Variants in SGIP1 observed in about 807,000 individuals in gnomAD.
SGIP1 encodes SH3GL interacting endocytic adaptor 1, also known as SH3-containing GRB2-like protein 3-interacting protein 1.
SGIP1 carries 38 observed loss-of-function variants against 107.5 expected under a neutral mutation model. The ratio of observed to expected loss-of-function variants is 0.35; its 90% CI spans 0.27 to 0.46. SGIP1 has a LOEUF of 0.46. SGIP1 is among the 20% of genes least tolerant of loss of function. The probability of loss-of-function intolerance (pLI) is 1.00; values close to 1 mark genes in which losing one functional copy is unlikely to be tolerated. For synonymous variants in SGIP1, 365 were observed against 366.1 expected (o/e 1.00, Z 0.03); for missense variants, 929 against 1,019.5 (o/e 0.91, Z 1.21).
Position 66,534,189 on chromosome 1 carries a change from C to T in SGIP1, c.-170C>T. 1.5e-6 allele frequency: 1 copy of T among 660,156 alleles called. No individual in the cohort carries two copies. Among genetic ancestry groups the T allele is most frequent in the South Asian group, 1.9e-5 (1 of 53,516 alleles). 40.9% of individuals were successfully genotyped at this position (660,156 alleles called of 1,614,324 possible). A position where few individuals can be genotyped will look rare whatever the true frequency, so the allele number is the denominator to read the frequency against. Reference sequence around the variant, plus strand: ...AGCCTGCCTGTAGGTGAAGAAGCACCAGCAGCATCCATGGCCTGTCTTTTG... The same window carrying T: ...AGCCTGCCTGTAGGTGAAGAAGCACTAGCAGCATCCATGGCCTGTCTTTTG... On this transcript the variant is annotated 5_prime_UTR_variant, in exon 1 of 25. Transcript: ENST00000371037.
chr1:66,698,666 C>T (rs999135666), intron 18 of SGIP1, among the ~76,000 whole-genome samples: 7 of 152,154 alleles, frequency 4.6e-5, no homozygotes, highest in Admixed American at 2.0e-4. Flanking sequence ...GCGTGAGCCA[C>T]GGCGCCCGGC....
intron 1 of SGIP1, among the ~76,000 whole-genome samples, chr1:66,543,748 C>T (rs572452050): frequency 5.7e-4 from 87 of 152,206 alleles, no homozygotes; most frequent in African/African-American, 2.0e-3. Context: ...GACTGGGTGA[C>T]CTTGAGTGAG....
intron 19 of SGIP1, among the ~76,000 whole-genome samples, chr1:66,719,930 C>T (rs2093439811): frequency 6.6e-6 from 1 of 151,644 alleles, no homozygotes; most frequent in African/African-American, 2.4e-5. Context: ...GAAAAACTGG[C>T]CAAAAATGAA....
chr1:66,698,538 C>G (rs577919891), intron 18 of SGIP1, among the ~76,000 whole-genome samples: 15 of 152,146 alleles, frequency 9.9e-5, no homozygotes, highest in East Asian at 9.7e-4. Context: ...GCCACCACGC[C>G]CGGCTAATTT....
At chr1:66,708,108 A>T (rs1215850440) in intron 18 of SGIP1, among the ~76,000 whole-genome samples, 15 of 152,130 alleles carry the variant, frequency 9.9e-5, no homozygotes, top group African/African-American at 3.4e-4. Flanking sequence ...TTAAGAATAC[A>T]ATGGAAGTTA....
At chr1:66,593,948 C>T (rs905259313) in intron 1 of SGIP1, among the ~76,000 whole-genome samples, 2 of 152,072 alleles carry the variant, frequency 1.3e-5, no homozygotes, top group African/African-American at 4.8e-5. Flanking sequence ...AAGAATAGAA[C>T]ACATATTCCG....
At chr1:66,684,946 T>C (rs1267075752) in intron 15 of SGIP1, among the ~76,000 whole-genome samples, 1 of 152,234 alleles carries the variant, frequency 6.6e-6, no homozygotes, top group Non-Finnish European at 1.5e-5. Context: ...GATTTCTACG[T>C]AGAAAATTGA....
chr1:66,723,768 T>C (rs1216516822), intron 19 of SGIP1, among the ~76,000 whole-genome samples: 1 of 152,206 alleles, frequency 6.6e-6, no homozygotes, highest in African/African-American at 2.4e-5. Context: ...CAATGAGTTC[T>C]TACTCTGAGT....
At chr1:66,609,050 G>C (rs1570537526) in intron 1 of SGIP1, among the ~76,000 whole-genome samples, 1 of 66,880 alleles carries the variant, frequency 1.5e-5, no homozygotes, top group African/African-American at 5.8e-5. Flanking sequence ...GGTCACTTTT[G>C]ACACTTGAGC....
intron 1 of SGIP1, among the ~76,000 whole-genome samples, chr1:66,579,587 T>C (rs1202386157): frequency 6.6e-6 from 1 of 152,210 alleles, no homozygotes; most frequent in Non-Finnish European, 1.5e-5. Context: ...GATTCAATCT[T>C]AACATGTTCT....
chr1:66,599,104 T>C (rs1187318087), intron 1 of SGIP1, among the ~76,000 whole-genome samples: 1 of 152,232 alleles, frequency 6.6e-6, no homozygotes, highest in African/African-American at 2.4e-5. Context: ...TATTTTTCTT[T>C]CAATTTATGT....
At chr1:66,601,541 G>C (rs944696869) in intron 1 of SGIP1, among the ~76,000 whole-genome samples, 1 of 152,126 alleles carries the variant, frequency 6.6e-6, no homozygotes, top group African/African-American at 2.4e-5. Flanking sequence ...GTGAGAGAGA[G>C]AGAGAGAGAG....
At chr1:66,663,094 C>A (rs559271650) in intron 8 of SGIP1, among the ~76,000 whole-genome samples, 1 of 152,088 alleles carries the variant, frequency 6.6e-6, no homozygotes, top group Non-Finnish European at 1.5e-5. Context: ...GGATGCTCAT[C>A]ATCTCTCTGA....
intron 8 of SGIP1, among the ~76,000 whole-genome samples, chr1:66,664,777 G>A (rs2082190700): frequency 6.6e-6 from 1 of 150,980 alleles, no homozygotes; most frequent in African/African-American, 2.4e-5. Flanking sequence ...ATGCATTAGC[G>A]CACATATTGA....
At chr1:66,536,127 G>T (rs2053540943) in intron 1 of SGIP1, among the ~76,000 whole-genome samples, 1 of 152,200 alleles carries the variant, frequency 6.6e-6, no homozygotes, top group Non-Finnish European at 1.5e-5. Context: ...GCTTATCCAG[G>T]CTGCCTAAAC....
At chr1:66,637,102 G>A (rs1004814577) in intron 4 of SGIP1, among the ~76,000 whole-genome samples, 3 of 151,960 alleles carry the variant, frequency 2.0e-5, no homozygotes, top group East Asian at 1.9e-4. Flanking sequence ...GAGAAAAATC[G>A]TTGTTTATAT....
At chr1:66,735,326 C>T (rs918628568) in intron 21 of SGIP1, among the ~76,000 whole-genome samples, 3 of 152,120 alleles carry the variant, frequency 2.0e-5, no homozygotes, top group African/African-American at 7.2e-5. Context: ...AGCGATCCTC[C>T]TGCCTCAGCC....
Position 66,660,525 on chromosome 1 carries a change from G to A in SGIP1, c.471+1G>A. On this transcript the variant is annotated splice_donor_variant, in intron 8 of 24. Coordinates refer to ENST00000371037, the MANE Select transcript of SGIP1 (RefSeq NM_032291.4). LOFTEE classifies it high-confidence loss of function. The stretch of plus-strand genomic sequence containing the variant: ...CCTACGCTTTTAGAGGAAAAGTCCG[G>A]TAAGAAATAAGTCCTTCCCGCTTTT... 1 of 1,610,262 alleles carries A rather than the reference G, an allele frequency of 6.2e-7. No homozygotes were observed. Among genetic ancestry groups the A allele is most frequent in the Non-Finnish European group, 8.5e-7 (1 of 1,176,666 alleles).
chr1:66,617,783 T>C (rs2069768434), intron 1 of SGIP1, among the ~76,000 whole-genome samples: 1 of 152,192 alleles, frequency 6.6e-6, no homozygotes, highest in African/African-American at 2.4e-5. Flanking sequence ...AATACAGCCT[T>C]TGTGTATAAG....
Sources: allele counts gnomAD v4.1 joint callset (sites outside exome capture counted in the v4.1 genomes callset), GRCh38; gene constraint gnomAD v4.1.1; transcripts MANE v1.5; gene names NCBI Gene and HGNC (gene_info 2026-07-23, HGNC 2026-07-21).